Variants in MTA3 observed in about 807,000 individuals in gnomAD.
The protein encoded by MTA3 is metastasis-associated protein MTA3.
MTA3 carries 34 observed loss-of-function variants against 83.5 expected under a neutral mutation model. The ratio of observed to expected loss-of-function variants is 0.41; its 90% CI spans 0.31 to 0.54. MTA3 has a LOEUF of 0.54. Ranked by LOEUF, MTA3 falls within the 20% of genes least tolerant of loss-of-function variation. MTA3 has a pLI of 0.33. For synonymous variants in MTA3, 303 were observed against 252.7 expected, an observed-to-expected ratio of 1.20 and a Z score of -1.89; for missense variants, 761 against 726.4, an observed-to-expected ratio of 1.05 and a Z score of -0.55.
At chr2:42,542,327 G>C (rs890134007) in intron 2 of MTA3, among the ~76,000 whole-genome samples, 1 of 152,108 alleles carries the variant, frequency 6.6e-6, no homozygotes, top group African/African-American at 2.4e-5. Flanking sequence ...TTTCTGTTAC[G>C]TTATAATCCT....
intron 2 of MTA3, among the ~76,000 whole-genome samples, chr2:42,539,736 CA>C (rs1301056575): frequency 2.6e-5 from 4 of 151,944 alleles, no homozygotes; most frequent in African/African-American, 9.7e-5. Flanking sequence ...CATGTGCCAC[CA>C]TGCCCAGCTA....
Position 42,554,633 on chromosome 2 carries a change from C to G in MTA3, c.-140-15804C>G, listed in dbSNP as rs748835895. ...AAAAAAACAGCAGGGAAAGCCAGCCCGAATGACAGCTGTTTCTTTCTACAT... is the reference window on the plus strand; with the variant it reads ...AAAAAAACAGCAGGGAAAGCCAGCCGGAATGACAGCTGTTTCTTTCTACAT... On this transcript the variant is annotated intron_variant, in intron 2 of 17. Coordinates refer to the MTA3 transcript ENST00000405592. 8.5e-5 allele frequency among the ~76,000 whole-genome samples: 13 copies of G among 152,084 alleles called. No individual in the cohort carries two copies. The South Asian group carries it at 2.5e-3, about 29-fold the overall frequency.
chr2:42,620,503 C>A (rs1348235477), intron 4 of MTA3, among the ~76,000 whole-genome samples: 1 of 152,052 alleles, frequency 6.6e-6, no homozygotes, highest in Non-Finnish European at 1.5e-5. Context: ...GTTTTCTTTT[C>A]TTTTTGAGAG....
At position 42,754,408 on chromosome 2, in the gene MTA3, A is replaced by C; in HGVS notation, c.*1009A>C. ...CTCCAGCCCAACATCTTGTGAGCACATGTGACCTAGGCCCCGGGGGACCTG... is the reference window on the plus strand; with the variant it reads ...CTCCAGCCCAACATCTTGTGAGCACCTGTGACCTAGGCCCCGGGGGACCTG... On this transcript the variant is annotated 3_prime_UTR_variant, in exon 17 of 17. Transcript: ENST00000405094. 1 of 985,358 alleles carries C rather than the reference A, an allele frequency of 1.0e-6. No homozygotes were observed. Among genetic ancestry groups the C allele is most frequent in the Non-Finnish European group, 1.2e-6 (1 of 829,976 alleles). The allele number at this position is 985,358 out of a possible 1,614,324, so 61.0% of individuals were successfully genotyped here. A position where few individuals can be genotyped will look rare whatever the true frequency, so the allele number is the denominator to read the frequency against.
chr2:42,715,837 T>A (rs1196945019), intron 14 of MTA3, among the ~76,000 whole-genome samples: 1 of 152,202 alleles, frequency 6.6e-6, no homozygotes, highest in Non-Finnish European at 1.5e-5. Context: ...CAAATCTTAT[T>A]ACTAGTAATA....
intron 3 of MTA3, among the ~76,000 whole-genome samples, chr2:42,592,896 A>G (rs1681202705): frequency 6.6e-6 from 1 of 152,110 alleles, no homozygotes; most frequent in East Asian, 1.9e-4. Flanking sequence ...CACGCCTGTA[A>G]TCCCACCACT....
chr2:42,604,705 G>A (rs1181004465), intron 3 of MTA3, among the ~76,000 whole-genome samples: 4 of 140,618 alleles, frequency 2.8e-5, no homozygotes, highest in Non-Finnish European at 4.6e-5. Flanking sequence ...AAGGTCTCTG[G>A]TTTTCCTAGG....
intron 3 of MTA3, among the ~76,000 whole-genome samples, chr2:42,606,602 A>G (rs1303661018): frequency 7.7e-6 from 1 of 129,542 alleles, no homozygotes; most frequent in Non-Finnish European, 1.6e-5. Flanking sequence ...CAGACTGGGC[A>G]GCCAGGCAGA....
chr2:42,560,362 A>C (rs528617692), intron 2 of MTA3, among the ~76,000 whole-genome samples: 5 of 151,462 alleles, frequency 3.3e-5, no homozygotes, highest in Admixed American at 2.0e-4. Context: ...AAACAAATCA[A>C]GCTGTGGTTG....
intron 8 of MTA3, among the ~76,000 whole-genome samples, chr2:42,673,236 A>G (rs530954382): frequency 2.0e-5 from 3 of 152,148 alleles, no homozygotes; most frequent in African/African-American, 7.2e-5. Flanking sequence ...GGAAAAAAAG[A>G]ATGTGGTTAT....
chr2:42,530,959 A>T (rs1245654066), intron 2 of MTA3, among the ~76,000 whole-genome samples: 1 of 152,048 alleles, frequency 6.6e-6, no homozygotes, highest in Non-Finnish European at 1.5e-5. Context: ...CTCCCCGAGT[A>T]TCTGGGACCA....
intron 8 of MTA3, among the ~76,000 whole-genome samples, chr2:42,665,413 G>A (rs1260025451): frequency 1.3e-5 from 2 of 152,034 alleles, no homozygotes; most frequent in South Asian, 2.1e-4. Context: ...GAAAGAAAAA[G>A]TAGGTTTACA....
intron 2 of MTA3, among the ~76,000 whole-genome samples, chr2:42,504,908 G>A (rs916223817): frequency 1.3e-5 from 2 of 152,064 alleles, no homozygotes; most frequent in East Asian, 3.9e-4. Context: ...GCCCCTCTTT[G>A]TAATCTTCAC....
chr2:42,635,020 T>C (rs1021981572), intron 4 of MTA3, among the ~76,000 whole-genome samples: 1 of 152,230 alleles, frequency 6.6e-6, no homozygotes, highest in Non-Finnish European at 1.5e-5. Flanking sequence ...TTAAGTCTTC[T>C]AAAAATGTAA....
At chr2:42,735,286 C>T (rs372864421) in intron 16 of MTA3, among the ~76,000 whole-genome samples, 1 of 151,704 alleles carries the variant, frequency 6.6e-6, no homozygotes, top group Non-Finnish European at 1.5e-5. Flanking sequence ...TATATCGTGA[C>T]ACTCTATTCT....
At chr2:42,598,899 C>T (rs1682188757) in intron 3 of MTA3, among the ~76,000 whole-genome samples, 1 of 152,166 alleles carries the variant, frequency 6.6e-6, no homozygotes, top group South Asian at 2.1e-4. Flanking sequence ...GTGGGTACCA[C>T]TGGAGGCTTT....
chr2:42,539,115 T>C (rs1419722372), intron 2 of MTA3, among the ~76,000 whole-genome samples: 2 of 152,222 alleles, frequency 1.3e-5, no homozygotes, highest in Admixed American at 6.5e-5. Context: ...GAAGCTTTTT[T>C]CCCTCTCTGT....
intron 2 of MTA3, among the ~76,000 whole-genome samples, chr2:42,539,418 C>T (rs1466679819): frequency 6.6e-6 from 1 of 151,884 alleles, no homozygotes; most frequent in Non-Finnish European, 1.5e-5. Context: ...CATCAGATCT[C>T]GTGAGAACTT....
intron 2 of MTA3, among the ~76,000 whole-genome samples, chr2:42,530,344 A>G (rs1207331578): frequency 4.7e-5 from 7 of 149,312 alleles, no homozygotes; most frequent in African/African-American, 1.5e-4. Flanking sequence ...AAAATTAGCC[A>G]GGCTTGGTGG....
Sources: gnomAD v4.1 joint callset for allele counts (sites outside exome capture counted in the v4.1 genomes callset) on GRCh38, gnomAD v4.1.1 for gene constraint, MANE v1.5 for transcripts, NCBI Gene and HGNC (gene_info 2026-07-23, HGNC 2026-07-21) for gene names.